The following UBE2H variants were observed in gnomAD, a reference collection of about 807,000 sequenced individuals.
The protein encoded by UBE2H is ubiquitin conjugating enzyme E2 H.
Under a neutral mutation model 29.0 loss-of-function variants are expected in UBE2H, and 3 were observed. That is an observed-to-expected ratio of 0.10 (90% CI 0.05 to 0.27). UBE2H has a LOEUF of 0.27. Ranked by LOEUF, UBE2H falls within the 10% of genes least tolerant of loss-of-function variation. UBE2H has a pLI of 1.00. For missense variants in UBE2H, 68 were observed against 228.2 expected, an observed-to-expected ratio of 0.30 and a Z score of 4.52; for synonymous variants, 69 against 82.9, an observed-to-expected ratio of 0.83 and a Z score of 0.91.
chr7:129,906,885 G>A (rs1384819673), intron 1 of UBE2H, among the ~76,000 whole-genome samples: 2 of 152,174 alleles, frequency 1.3e-5, no homozygotes, highest in African/African-American at 4.8e-5. Context: ...AGTCCATGAA[G>A]CTAACTACCT....
At chr7:129,913,026 G>A (rs1806970145) in intron 1 of UBE2H, among the ~76,000 whole-genome samples, 1 of 152,140 alleles carries the variant, frequency 6.6e-6, no homozygotes, top group Non-Finnish European at 1.5e-5. Context: ...CAAGGCGGGT[G>A]GGTCGCCTGA....
At chr7:129,876,620 G>T (rs1806148702) in intron 3 of UBE2H, among the ~76,000 whole-genome samples, 3 of 151,990 alleles carry the variant, frequency 2.0e-5, no homozygotes, top group South Asian at 4.2e-4. Context: ...TATTCTTTGG[G>T]CTTAAATGAC....
chr7:129,852,162 A>T (rs1354039998), intron 5 of UBE2H, among the ~76,000 whole-genome samples: 1 of 152,242 alleles, frequency 6.6e-6, no homozygotes, highest in Non-Finnish European at 1.5e-5. Context: ...TAGTTACACT[A>T]AAATGTTTAG....
At chr7:129,855,936 T>C (rs920747111) in intron 5 of UBE2H, among the ~76,000 whole-genome samples, 6 of 152,072 alleles carry the variant, frequency 3.9e-5, no homozygotes, top group Non-Finnish European at 5.9e-5. Context: ...AAAATATATA[T>C]ACAACTGGGT....
At chr7:129,842,015 A>T (rs1300833806) in intron 5 of UBE2H, among the ~76,000 whole-genome samples, 3 of 152,230 alleles carry the variant, frequency 2.0e-5, no homozygotes, top group Non-Finnish European at 4.4e-5. Context: ...AGGCCATAAA[A>T]TGGTATGTTT....
chr7:129,922,287 CTTTTAAT>C (rs982763297), intron 1 of UBE2H, among the ~76,000 whole-genome samples: 2 of 145,218 alleles, frequency 1.4e-5, no homozygotes, highest in African/African-American at 5.1e-5. Flanking sequence ...CGTGCCTGGC[CTTTTAAT>C]TTTTATTTTG....
intron 1 of UBE2H, among the ~76,000 whole-genome samples, chr7:129,922,692 T>C (rs930396427): frequency 6.6e-6 from 1 of 152,174 alleles, no homozygotes; most frequent in African/African-American, 2.4e-5. Context: ...TAGCAAAATA[T>C]TGAGTCTACA....
intron 1 of UBE2H, among the ~76,000 whole-genome samples, chr7:129,941,920 T>C (rs1308913259): frequency 6.6e-6 from 1 of 151,508 alleles, no homozygotes; most frequent in African/African-American, 2.4e-5. Flanking sequence ...TCACTAAAAA[T>C]TAACTTAAGG....
intron 6 of UBE2H, among the ~76,000 whole-genome samples, chr7:129,838,524 CTT>C (rs1805370340): frequency 6.6e-6 from 1 of 152,170 alleles, no homozygotes; most frequent in African/African-American, 2.4e-5. Context: ...ATTTCACAAA[CTT>C]TGAATTCCTT....
chr7:129,839,702 G>T, intron 5 of UBE2H: 1 of 250,156 alleles, frequency 4.0e-6, no homozygotes, highest in South Asian at 4.2e-5. Flanking sequence ...CAGTTTTTGT[G>T]GGGTTTTTTT....
chr7:129,848,318 T>A (rs1022946276), intron 5 of UBE2H, among the ~76,000 whole-genome samples: 7 of 152,216 alleles, frequency 4.6e-5, no homozygotes, highest in Admixed American at 2.6e-4. Context: ...TCCAGAAGCA[T>A]GCTATCCAAA....
At chr7:129,929,543 T>C (rs1807344803) in intron 1 of UBE2H, among the ~76,000 whole-genome samples, 1 of 152,004 alleles carries the variant, frequency 6.6e-6, no homozygotes, top group African/African-American at 2.4e-5. Context: ...ATTTCAAAGA[T>C]GTTAAGATGT....
intron 4 of UBE2H, among the ~76,000 whole-genome samples, chr7:129,857,767 A>G (rs1805732320): frequency 6.6e-6 from 1 of 152,212 alleles, no homozygotes; most frequent in Non-Finnish European, 1.5e-5. Flanking sequence ...GAAAATAGTA[A>G]CTATGCAATG....
At chr7:129,925,398 A>G (rs1267246477) in intron 1 of UBE2H, among the ~76,000 whole-genome samples, 18 of 152,274 alleles carry the variant, frequency 1.2e-4, no homozygotes, top group Non-Finnish European at 1.0e-4. Context: ...TCCAGGTGGA[A>G]AAAAAACAAG....
chr7:129,918,362 CTTTT>C (rs777719323), intron 1 of UBE2H, among the ~76,000 whole-genome samples: 45 of 139,700 alleles, frequency 3.2e-4, no homozygotes, highest in Admixed American at 1.7e-3. Flanking sequence ...AATCCAAATT[CTTTT>C]TTTTTTTTTT....
intron 1 of UBE2H, among the ~76,000 whole-genome samples, chr7:129,927,489 G>A (rs976267348): frequency 3.3e-5 from 5 of 152,164 alleles, no homozygotes; most frequent in Admixed American, 6.5e-5. Flanking sequence ...GCAGTGAGCC[G>A]AGATTGCGCC....
chr7:129,858,830 T>C (rs552552073), intron 4 of UBE2H, 72 bp downstream of exon 4: 34 of 1,451,940 alleles, frequency 2.3e-5, no homozygotes, highest in Non-Finnish European at 3.2e-5. Flanking sequence ...ACCGAGGCTT[T>C]TTATAACACA....
chr7:129,848,259 A>G (rs184016325), intron 5 of UBE2H, among the ~76,000 whole-genome samples: 17 of 152,316 alleles, frequency 1.1e-4, no homozygotes, highest in Non-Finnish European at 2.2e-4. Context: ...ATCACTATGT[A>G]CCCCATGAAT....
At chr7:129,868,709 CTG>C (rs1332645307) in intron 3 of UBE2H, among the ~76,000 whole-genome samples, 1 of 151,434 alleles carries the variant, frequency 6.6e-6, no homozygotes, top group Non-Finnish European at 1.5e-5. Flanking sequence ...GGAAAGCTAA[CTG>C]TACTATTTTT....
Sources: allele counts gnomAD v4.1 joint callset (sites outside exome capture counted in the v4.1 genomes callset), GRCh38; gene constraint gnomAD v4.1.1; transcripts MANE v1.5; gene names NCBI Gene and HGNC (gene_info 2026-07-23, HGNC 2026-07-21).